Variants in FER observed in about 807,000 individuals in gnomAD.
FER encodes the protein FER tyrosine kinase.
FER carries 63 observed loss-of-function variants against 111.0 expected under a neutral mutation model. That is an observed-to-expected ratio of 0.57 (90% CI 0.46 to 0.70). The LOEUF (loss-of-function observed/expected upper bound fraction) is 0.70, where lower values mean the gene tolerates loss of function less well. FER is among the 30% of genes least tolerant of loss of function. FER has a pLI of 0.00. For synonymous variants in FER, 327 were observed against 313.9 expected (o/e 1.04, Z -0.44); for missense variants, 914 against 954.0 (o/e 0.96, Z 0.55).
At chr5:109,036,375 G>A (rs1447304783) in intron 13 of FER, among the ~76,000 whole-genome samples, 1 of 152,044 alleles carries the variant, frequency 6.6e-6, no homozygotes, top group Non-Finnish European at 1.5e-5. Flanking sequence ...TGTTGGTTGA[G>A]TGTTTGCCAC....
chr5:108,861,577 AAG>A (rs1763524976), intron 5 of FER, among the ~76,000 whole-genome samples: 1 of 152,186 alleles, frequency 6.6e-6, no homozygotes, highest in Admixed American at 6.5e-5. Flanking sequence ...TTAAAGAAAA[AAG>A]AAAAAAAGCA....
At chr5:108,963,446 C>G (rs1581416748) in intron 13 of FER, among the ~76,000 whole-genome samples, 1 of 152,034 alleles carries the variant, frequency 6.6e-6, no homozygotes, top group Non-Finnish European at 1.5e-5. Flanking sequence ...CCTATAATCC[C>G]AGCTACTTGG....
intron 17 of FER, among the ~76,000 whole-genome samples, chr5:109,160,442 T>TTG (rs934683526): frequency 1.3e-5 from 2 of 152,172 alleles, no homozygotes; most frequent in African/African-American, 4.8e-5. Flanking sequence ...GCAAATGGTG[T>TTG]TGTCAGTGTT....
chr5:109,131,227 G>C (rs1373420496), intron 17 of FER, among the ~76,000 whole-genome samples: 4 of 152,112 alleles, frequency 2.6e-5, no homozygotes, highest in Non-Finnish European at 4.4e-5. Context: ...GACCTCAACT[G>C]TTCATTTATT....
intron 13 of FER, among the ~76,000 whole-genome samples, chr5:109,008,925 G>T (rs972955163): frequency 2.0e-5 from 3 of 151,976 alleles, no homozygotes; most frequent in African/African-American, 7.2e-5. Context: ...AGCCAAGATC[G>T]TGCCGTTGCA....
At chr5:108,788,507 A>G (rs1216535139) in intron 2 of FER, among the ~76,000 whole-genome samples, 2 of 146,976 alleles carry the variant, frequency 1.4e-5, no homozygotes, top group South Asian at 4.3e-4. Context: ...GCAAAGCAAC[A>G]CCCTAATGAT....
intron 3 of FER, among the ~76,000 whole-genome samples, chr5:108,814,714 T>A (rs1238194010): frequency 6.6e-6 from 1 of 152,180 alleles, no homozygotes; most frequent in Admixed American, 6.5e-5. Flanking sequence ...CCTAACTTTC[T>A]GGGCATGCAG....
chr5:108,904,982 A>C (rs1204741320), intron 10 of FER, among the ~76,000 whole-genome samples: 1 of 152,096 alleles, frequency 6.6e-6, no homozygotes, highest in African/African-American at 2.4e-5. Context: ...ACTGTATATA[A>C]ATTTGATATA....
At chr5:108,807,065 A>G (rs1447147786) in intron 3 of FER, among the ~76,000 whole-genome samples, 1 of 152,134 alleles carries the variant, frequency 6.6e-6, no homozygotes, top group African/African-American at 2.4e-5. Flanking sequence ...TGACTGAATT[A>G]TGGAGGCAGA....
intron 13 of FER, among the ~76,000 whole-genome samples, chr5:109,028,138 G>T (rs1769035053): frequency 6.6e-6 from 1 of 152,080 alleles, no homozygotes. Flanking sequence ...ATTACATAAA[G>T]ATTATACAAA....
At chr5:109,162,687 T>C (rs931502122) in intron 17 of FER, among the ~76,000 whole-genome samples, 2 of 152,168 alleles carry the variant, frequency 1.3e-5, no homozygotes, top group African/African-American at 4.8e-5. Flanking sequence ...CAATCCCATG[T>C]AAAGAAATCC....
intron 16 of FER, among the ~76,000 whole-genome samples, chr5:109,057,564 CTGT>C (rs1773808018): frequency 6.6e-6 from 1 of 152,198 alleles, no homozygotes; most frequent in Admixed American, 6.5e-5. Flanking sequence ...TCATAGCTCA[CTGT>C]AGCCTTGCTC....
At chr5:108,999,794 T>G (rs1764483530) in intron 13 of FER, among the ~76,000 whole-genome samples, 1 of 152,030 alleles carries the variant, frequency 6.6e-6, no homozygotes, top group Non-Finnish European at 1.5e-5. Flanking sequence ...TGATTTAACA[T>G]CTTTTCCTGT....
chr5:109,013,955 T>G (rs1267700276), intron 13 of FER, among the ~76,000 whole-genome samples: 5 of 152,100 alleles, frequency 3.3e-5, no homozygotes, highest in Admixed American at 2.6e-4. Flanking sequence ...TAAATTTGTT[T>G]GAGTTCATTG....
intron 10 of FER, among the ~76,000 whole-genome samples, chr5:108,936,728 T>C (rs1365205499): frequency 1.3e-5 from 2 of 152,056 alleles, no homozygotes; most frequent in East Asian, 3.8e-4. Flanking sequence ...TCTAGGTATG[T>C]ACTAGGCCTT....
intron 16 of FER, among the ~76,000 whole-genome samples, chr5:109,072,184 G>A (rs978188420): frequency 1.3e-5 from 2 of 150,958 alleles, no homozygotes; most frequent in Non-Finnish European, 3.0e-5. Context: ...TTTCAGGCAG[G>A]CTTGATTTTT....
Position 108,792,614 on chromosome 5 carries a change from G to C in FER, c.-59-5510G>C, listed in dbSNP as rs537543536. ...AGCCTCCCAAAGTGCTGGGATTACA[G>C]GTGTGAGCCACTGCACCTGGCCCTA... is the stretch of plus-strand genomic sequence containing the variant. On this transcript the variant is annotated intron_variant, in intron 2 of 19. Transcript: ENST00000281092. 4.5e-3 allele frequency among the ~76,000 whole-genome samples: 691 copies of C among 151,900 alleles called. 4 individuals carry two copies. Among genetic ancestry groups the C allele is most frequent in the African/African-American group, 0.016 (651 of 41,498 alleles).
intron 8 of FER, among the ~76,000 whole-genome samples, chr5:108,882,472 A>C (rs749082736): frequency 1.3e-5 from 2 of 151,770 alleles, no homozygotes; most frequent in African/African-American, 2.4e-5. Flanking sequence ...TCATATGCTT[A>C]TTGATCATTT....
intron 13 of FER, among the ~76,000 whole-genome samples, chr5:109,033,704 G>T (rs548697223): frequency 6.6e-6 from 1 of 152,108 alleles, no homozygotes; most frequent in Admixed American, 6.5e-5. Context: ...CCAATTTAAC[G>T]GATTGGGAGT....
Sources: gnomAD v4.1 joint callset for allele counts (sites outside exome capture counted in the v4.1 genomes callset) on GRCh38, gnomAD v4.1.1 for gene constraint, MANE v1.5 for transcripts, NCBI Gene and HGNC (gene_info 2026-07-23, HGNC 2026-07-21) for gene names.